The following TACC2 variants were observed in gnomAD, a reference collection of about 807,000 sequenced individuals.
The protein encoded by TACC2 is transforming acidic coiled-coil containing protein 2, also known as transforming acidic coiled-coil-containing protein 2.
In TACC2, 137 loss-of-function variants were observed where a neutral mutation model predicts 227.3. That is an observed-to-expected ratio of 0.60 (90% CI 0.52 to 0.69). The LOEUF (loss-of-function observed/expected upper bound fraction) is 0.69. Ranked by LOEUF, TACC2 falls within the 30% of genes least tolerant of loss-of-function variation. The pLI, the probability that TACC2 is intolerant of heterozygous loss-of-function variation, is 0.00. For synonymous variants in TACC2, 1,523 were observed against 1,487.5 expected, an observed-to-expected ratio of 1.02 and a Z score of -0.55; for missense variants, 3,470 against 3,694.4, an observed-to-expected ratio of 0.94 and a Z score of 1.57.
chr10:122,201,341 GACA>G, intron 8 of TACC2, among the ~76,000 whole-genome samples: 2 of 145,256 alleles, frequency 1.4e-5, no homozygotes, highest in East Asian at 4.4e-4. Flanking sequence ...ACATGGGGAA[GACA>G]GCCACCTCAC....
chr10:122,087,378 T>C lies in TACC2; in HGVS notation c.4878T>C (p.His1626=), dbSNP rs1322645991. The C allele has an allele frequency of 6.2e-7, 1 of 1,614,030 alleles. No homozygotes were observed. The highest frequency in any genetic ancestry group is 1.7e-5 in the Admixed American group (1 of 60,028). ...GDFAHTGVPG[H]VPRSTCAPSP... Reference sequence around the variant, plus strand: ...TTGCTCACACAGGGGTTCCAGGACATGTGCCAAGGTCCACGTGTGCCCCTT... The same window carrying C: ...TTGCTCACACAGGGGTTCCAGGACACGTGCCAAGGTCCACGTGTGCCCCTT... The change falls in exon 4 of 23, where the codon CAT becomes CAC. Residue 1626 remains histidine, a synonymous_variant. Transcript: ENST00000369005.
At position 122,143,701 on chromosome 10, in the gene TACC2, C is replaced by T. The variant is rs988631023; in HGVS notation, c.5829C>T (p.Leu1943=). 2 of 1,613,996 alleles carry T rather than the reference C, an allele frequency of 1.2e-6. No individual in the cohort carries two copies. Among genetic ancestry groups the T allele is most frequent in the Non-Finnish European group, 1.7e-6 (2 of 1,179,930 alleles). ...TPSCPDPAKD[L]SRSSDSEEAF... is the part of the protein sequence containing the mutation. ...CCTGCCCAGATCCGGCCAAGGACCTCAGCAGGTATTGCGCAAGTCCCCCTC... is the reference window on the plus strand; with the variant it reads ...CCTGCCCAGATCCGGCCAAGGACCTTAGCAGGTATTGCGCAAGTCCCCCTC... The change falls in exon 7 of 23, where the codon CTC becomes CTT. Residue 1943 remains leucine, a synonymous_variant. Transcript: ENST00000369005.
rs140641088 is a variant in TACC2 at position 122,085,459 on chromosome 10, G to C, written c.2959G>C (p.Gly987Arg). 2.9e-5 allele frequency: 47 copies of C among 1,613,744 alleles called. No individual in the cohort carries two copies. In the African/African-American group the frequency reaches 5.1e-4, roughly 17 times the overall value. The stretch of plus-strand genomic sequence containing the variant: ...CAGCAGAAAGGAAACTTGCTGCACT[G>C]GGCAGGGGCCAAACAAGTCTCAACA... Reference protein sequence around the residue: ...NFSRKETCCTGQGPNKSQQAL... With the variant: ...NFSRKETCCTRQGPNKSQQAL... The change falls in exon 4 of 23, where the codon GGG (glycine) becomes CGG (arginine). Residue 987 changes from glycine to arginine, a missense_variant. Physicochemically the swap from Gly to Arg is moderately radical, Grantham distance 125 (BLOSUM62 -2). Transcript: ENST00000369005.
intron 7 of TACC2, chr10:122,192,512 G>C: frequency 2.8e-6 from 1 of 359,926 alleles, no homozygotes; most frequent in Admixed American, 3.4e-5. Flanking sequence ...ATCTCTGCTT[G>C]AGTGGGGCAG....
chr10:122,079,331 T>C (rs1215942818), intron 3 of TACC2, among the ~76,000 whole-genome samples: 1 of 152,176 alleles, frequency 6.6e-6, no homozygotes, highest in African/African-American at 2.4e-5. Context: ...CAAGTAGTTT[T>C]CCAGATGTCA....
Position 122,248,657 on chromosome 10 carries a change from G to A in TACC2, c.8407G>A (p.Glu2803Lys). The A allele has an allele frequency of 6.2e-7, 1 of 1,613,406 alleles. No homozygotes were observed. Among genetic ancestry groups the A allele is most frequent in the East Asian group, 2.2e-5 (1 of 44,888 alleles). Residue 2803 changes from glutamate to lysine, a missense_variant, in exon 20 of 23, where the codon GAG becomes AAG. This residue lies in a region of TACC2 where 65 missense variants were observed against 119.3 expected (regional missense o/e 0.54). Coordinates refer to ENST00000369005, the MANE Select transcript of TACC2 (RefSeq NM_206862.4). ...TCTCCTGCCAGAGGACGAACAGAGA[G>A]AGAAGTCAGTCTCCCACCAGACGGT... ...IAQMIEDEQR[E>K]KSVSHQTVQQ...
intron 5 of TACC2, among the ~76,000 whole-genome samples, chr10:122,101,271 G>A (rs1429952620): frequency 2.0e-5 from 3 of 152,142 alleles, no homozygotes; most frequent in African/African-American, 7.2e-5. Flanking sequence ...GTGAAATAGT[G>A]CACTGGAAAT....
At chr10:122,203,758 C>T (rs1005404670) in intron 8 of TACC2, among the ~76,000 whole-genome samples, 3 of 151,992 alleles carry the variant, frequency 2.0e-5, no homozygotes, top group Admixed American at 6.5e-5. Flanking sequence ...GACGGGGTGG[C>T]GGCCGGGCAG....
At chr10:122,074,490 T>C (rs1269518868) in intron 3 of TACC2, among the ~76,000 whole-genome samples, 1 of 152,172 alleles carries the variant, frequency 6.6e-6, no homozygotes, top group Non-Finnish European at 1.5e-5. Flanking sequence ...CCTATGTAAC[T>C]TTTGTTAGCC....
At chr10:122,105,638 G>C (rs1265098467) in intron 5 of TACC2, among the ~76,000 whole-genome samples, 1 of 73,528 alleles carries the variant, frequency 1.4e-5, no homozygotes, top group Non-Finnish European at 3.3e-5. Flanking sequence ...TTTTTTTTTT[G>C]AGATGGAGTC....
At chr10:122,104,578 C>A (rs1254969454) in intron 5 of TACC2, among the ~76,000 whole-genome samples, 1 of 152,100 alleles carries the variant, frequency 6.6e-6, no homozygotes, top group Non-Finnish European at 1.5e-5. Flanking sequence ...ACCATATTGG[C>A]CCAGCTGGGC....
intron 5 of TACC2, among the ~76,000 whole-genome samples, chr10:122,107,897 T>TA (rs2083056777): frequency 7.3e-5 from 3 of 40,944 alleles, no homozygotes; most frequent in African/African-American, 1.4e-4. Flanking sequence ...TTTTCTTTTT[T>TA]CTTTTTTTTT....
At chr10:122,206,756 C>T (rs2095124161) in intron 8 of TACC2, among the ~76,000 whole-genome samples, 1 of 152,174 alleles carries the variant, frequency 6.6e-6, no homozygotes, top group Non-Finnish European at 1.5e-5. Context: ...AGCCTGTGTG[C>T]AAGGCACTGT....
chr10:122,012,969 C>T (rs539674045), intron 1 of TACC2, among the ~76,000 whole-genome samples: 1 of 152,268 alleles, frequency 6.6e-6, no homozygotes, highest in East Asian at 1.9e-4. Flanking sequence ...GCCTCTGGCC[C>T]CTCCTGGCAG....
intron 11 of TACC2, among the ~76,000 whole-genome samples, chr10:122,218,318 T>G (rs182973983): frequency 1.1e-4 from 16 of 152,260 alleles, no homozygotes; most frequent in Admixed American, 3.9e-4. Flanking sequence ...GTCTCCACTT[T>G]TTGCTGCTAA....
intron 2 of TACC2, among the ~76,000 whole-genome samples, chr10:122,026,898 T>C (rs1958101286): frequency 6.6e-6 from 1 of 152,232 alleles, no homozygotes; most frequent in South Asian, 2.1e-4. Flanking sequence ...CAAGTTTTGG[T>C]GATTATAAAT....
At position 122,196,115 on chromosome 10, in the gene TACC2, G is replaced by A. The variant is rs548242420; in HGVS notation, c.5971+939G>A. On this transcript the variant is annotated intron_variant, in intron 8 of 22. Transcript: ENST00000369005. ...CTGTACCTGAGAAGGAACCAAGGAT[G>A]GGGCTGGGTGCCTCCACTGTGTACT... Among the ~76,000 whole-genome samples, 5 of 152,366 alleles carry A rather than the reference G, an allele frequency of 3.3e-5. No individual in the cohort carries two copies. The South Asian group carries it at 1.0e-3, about 32-fold the overall frequency.
chr10:122,156,398 G>T (rs1477000160), intron 7 of TACC2, among the ~76,000 whole-genome samples: 1 of 150,344 alleles, frequency 6.7e-6, no homozygotes, highest in East Asian at 2.0e-4. Context: ...TAATTTTTTT[G>T]TATTTTTAGT....
In TACC2 at chr10:122,084,482, A is replaced by G; in HGVS notation, c.1982A>G (p.His661Arg). The G allele has an allele frequency of 3.1e-6, 5 of 1,613,308 alleles. No individual in the cohort carries two copies. Among genetic ancestry groups the G allele is most frequent in the Non-Finnish European group, 4.2e-6 (5 of 1,180,010 alleles). The stretch of plus-strand genomic sequence containing the variant: ...GAGGCTGATGCATCTGGCCTACCAC[A>G]CAAGCTGGGTGAGGAGGACCCCGTC... ...TAEADASGLP[H>R]KLGEEDPVLP... is the part of the protein sequence containing the mutation. The change falls in exon 4 of 23, where the codon CAC becomes CGC. Residue 661 changes from histidine to arginine, a missense_variant. This residue lies in a region of TACC2 where 1,924 missense variants were observed against 1,978.3 expected (regional missense o/e 0.97). Transcript: ENST00000369005.
Sources: gnomAD v4.1 joint callset for allele counts (sites outside exome capture counted in the v4.1 genomes callset) on GRCh38, gnomAD v4.1.1 for gene constraint, gnomAD v4.1.1 regional missense constraint, MANE v1.5 for transcripts, NCBI Gene and HGNC (gene_info 2026-07-23, HGNC 2026-07-21) for gene names.